MSI2: variants seen among roughly 807,000 people sequenced by gnomAD.
MSI2 encodes the protein musashi RNA binding protein 2, also known as RNA-binding protein Musashi homolog 2.
In MSI2, 17 loss-of-function variants were observed where a neutral mutation model predicts 45.6. The ratio of observed to expected loss-of-function variants is 0.37; its 90% CI spans 0.26 to 0.56. The LOEUF (loss-of-function observed/expected upper bound fraction) is 0.56. MSI2 is among the 20% of genes least tolerant of loss of function. The pLI is 0.77. For synonymous variants in MSI2, 156 were observed against 158.2 expected, an observed-to-expected ratio of 0.99 and a Z score of 0.11; for missense variants, 293 against 444.2, an observed-to-expected ratio of 0.66 and a Z score of 3.06.
chr17:57,666,722 T>G (rs1402572652), intron 11 of MSI2, among the ~76,000 whole-genome samples: 1 of 152,210 alleles, frequency 6.6e-6, no homozygotes, highest in African/African-American at 2.4e-5. Flanking sequence ...AGCAAGGATC[T>G]GAGCCTCCTG....
chr17:57,417,426 G>T (rs1392574641), intron 6 of MSI2, among the ~76,000 whole-genome samples: 1 of 152,098 alleles, frequency 6.6e-6, no homozygotes. Flanking sequence ...AAGGAGGGAG[G>T]CAGTTTACAT....
At chr17:57,399,738 G>A (rs1458211437) in intron 5 of MSI2, among the ~76,000 whole-genome samples, 2 of 152,172 alleles carry the variant, frequency 1.3e-5, no homozygotes, top group African/African-American at 2.4e-5. Flanking sequence ...CATGGGAATC[G>A]GGCATTAGGT....
chr17:57,285,636 G>A (rs545690671), intron 5 of MSI2, among the ~76,000 whole-genome samples: 2 of 152,272 alleles, frequency 1.3e-5, no homozygotes, highest in South Asian at 4.1e-4. Flanking sequence ...GTCATGCCTG[G>A]GAAGCTTCTG....
chr17:57,588,539 C>A, intron 7 of MSI2, among the ~76,000 whole-genome samples: 1 of 152,186 alleles, frequency 6.6e-6, no homozygotes, highest in East Asian at 1.9e-4. Context: ...AGGAGATACT[C>A]TAGCTGTTTT....
chr17:57,564,441 C>T (rs796222357), intron 7 of MSI2, among the ~76,000 whole-genome samples: 3 of 152,258 alleles, frequency 2.0e-5, no homozygotes, highest in African/African-American at 7.2e-5. Context: ...GTTTCTGGGC[C>T]TCAGTGGGTC....
At chr17:57,437,345 A>G (rs1482661396) in intron 6 of MSI2, among the ~76,000 whole-genome samples, 6 of 152,242 alleles carry the variant, frequency 3.9e-5, no homozygotes. Flanking sequence ...GATCATCAGA[A>G]AGATGACTCA....
intron 9 of MSI2, among the ~76,000 whole-genome samples, chr17:57,622,437 G>T (rs1331883677): frequency 6.6e-6 from 1 of 152,206 alleles, no homozygotes. Context: ...TTGGGCACAT[G>T]CTGTTTATTT....
chr17:57,273,630 C>T (rs570890460), intron 5 of MSI2, among the ~76,000 whole-genome samples: 2 of 152,210 alleles, frequency 1.3e-5, no homozygotes, highest in Non-Finnish European at 2.9e-5. Context: ...GGGCAGTTTG[C>T]GTTTGGCAGG....
chr17:57,476,389 C>T (rs1459099879), intron 6 of MSI2, among the ~76,000 whole-genome samples: 1 of 152,214 alleles, frequency 6.6e-6, no homozygotes, highest in African/African-American at 2.4e-5. Context: ...AGGTGGGAGC[C>T]TTCAACTAGA....
chr17:57,381,129 A>G (rs1322516882), intron 5 of MSI2, among the ~76,000 whole-genome samples: 3 of 152,028 alleles, frequency 2.0e-5, no homozygotes, highest in Non-Finnish European at 4.4e-5. Flanking sequence ...GGGCAGTGGC[A>G]TGATCATGGC....
At chr17:57,405,976 T>C (rs1423711810) in intron 6 of MSI2, among the ~76,000 whole-genome samples, 1 of 152,204 alleles carries the variant, frequency 6.6e-6, no homozygotes, top group Non-Finnish European at 1.5e-5. Context: ...GCCTGGATAG[T>C]CACTTGTTTG....
intron 7 of MSI2, among the ~76,000 whole-genome samples, chr17:57,593,279 T>C (rs1441301722): frequency 1.3e-5 from 2 of 152,216 alleles, no homozygotes; most frequent in East Asian, 3.8e-4. Context: ...ATTAGTTTTC[T>C]GTGGCTGCCG....
Position 57,377,823 on chromosome 17 carries a change from C to T in MSI2, c.313-23556C>T, listed in dbSNP as rs187188078. On this transcript the variant is annotated intron_variant, in intron 5 of 13. Transcript: ENST00000284073. ...AGGCACAGTGGCTCACGCCTGTAAT[C>T]CCAGCATTTTGGGAAGCCAAGGCGG... Among the ~76,000 whole-genome samples, 1,407 of 152,268 alleles carry T rather than the reference C, an allele frequency of 9.2e-3. 11 individuals are homozygous for T. Among genetic ancestry groups the T allele is most frequent in the Non-Finnish European group, 0.014 (978 of 68,016 alleles).
intron 7 of MSI2, among the ~76,000 whole-genome samples, chr17:57,530,351 T>C (rs542455420): frequency 1.3e-5 from 2 of 152,342 alleles, no homozygotes; most frequent in African/African-American, 4.8e-5. Flanking sequence ...TATACTTTTC[T>C]TGGGTGAAGA....
chr17:57,420,906 G>A (rs1205447908), intron 6 of MSI2, among the ~76,000 whole-genome samples: 3 of 152,190 alleles, frequency 2.0e-5, no homozygotes, highest in Non-Finnish European at 4.4e-5. Context: ...AGCGAGCATC[G>A]CCGCTTTAAT....
chr17:57,491,129 C>T (rs1382878504), intron 6 of MSI2, among the ~76,000 whole-genome samples: 2 of 152,204 alleles, frequency 1.3e-5, no homozygotes, highest in Non-Finnish European at 2.9e-5. Context: ...ACCTCAGGAG[C>T]GTTTCTGCCA....
At chr17:57,607,237 C>A (rs939972553) in intron 8 of MSI2, among the ~76,000 whole-genome samples, 1 of 152,192 alleles carries the variant, frequency 6.6e-6, no homozygotes, top group Non-Finnish European at 1.5e-5. Context: ...ATAAACAGTG[C>A]GTGCCTTCCT....
rs77826351 is a variant in MSI2 at position 57,338,059 on chromosome 17, G to A, written c.313-63320G>A. On this transcript the variant is annotated intron_variant, in intron 5 of 13. Coordinates refer to ENST00000284073, the MANE Select transcript of MSI2 (RefSeq NM_138962.4). Reference sequence around the variant, plus strand: ...AGATACGTTTTAAATATACCTTACCGCCAAGGACGAGATTTGTATGGGTTT... The same window carrying A: ...AGATACGTTTTAAATATACCTTACCACCAAGGACGAGATTTGTATGGGTTT... Among the ~76,000 whole-genome samples the A allele has an allele frequency of 3.0e-3, 458 of 152,004 alleles. 2 individuals are homozygous for A. The highest frequency in any genetic ancestry group is 6.8e-3 in the Middle Eastern group (2 of 294).
rs918011753 is a variant in MSI2 at position 57,377,077 on chromosome 17, C to T, written c.313-24302C>T. On this transcript the variant is annotated intron_variant, in intron 5 of 13. Coordinates refer to ENST00000284073, the MANE Select transcript of MSI2 (RefSeq NM_138962.4). ...CTGGGACTACAGGCGCCCGCCACCA[C>T]GCCCAGCTAATTTTTTGTATTTTTA... 6.6e-4 allele frequency among the ~76,000 whole-genome samples: 100 copies of T among 152,218 alleles called. 1 individual carries two copies. The highest frequency in any genetic ancestry group is 2.9e-4 in the Non-Finnish European group (20 of 67,998).
Sources: gnomAD v4.1 joint callset for allele counts (sites outside exome capture counted in the v4.1 genomes callset) on GRCh38, gnomAD v4.1.1 for gene constraint, MANE v1.5 for transcripts, NCBI Gene and HGNC (gene_info 2026-07-23, HGNC 2026-07-21) for gene names.